NAPG: variants seen among roughly 807,000 people sequenced by gnomAD.
The protein encoded by NAPG is NSF attachment protein gamma.
NAPG carries 25 observed loss-of-function variants against 48.4 expected under a neutral mutation model. The ratio of observed to expected loss-of-function variants is 0.52; its 90% CI spans 0.38 to 0.72. NAPG has a LOEUF of 0.72. NAPG is among the 30% of genes least tolerant of loss of function. The pLI, the probability that NAPG is intolerant of heterozygous loss-of-function variation, is 0.00. For synonymous variants in NAPG, 139 were observed against 127.2 expected (o/e 1.09, Z -0.62); for missense variants, 359 against 372.5 (o/e 0.96, Z 0.30).
chr18:10,549,036 A>G lies in NAPG; in HGVS notation c.735A>G (p.Gln245=), dbSNP rs779652761. 4.2e-5 allele frequency: 67 copies of G among 1,613,890 alleles called. No homozygotes were observed. Among genetic ancestry groups the G allele is most frequent in the Non-Finnish European group, 5.3e-5 (63 of 1,179,856 alleles). The change falls in exon 11 of 12, where the codon CAA becomes CAG. Residue 245 remains glutamine, a synonymous_variant. Transcript: ENST00000322897. The part of the protein sequence containing the change: ...LEQLLEGYDQ[Q]DQDQVSDVCN... ...AGCTTCTTGAAGGTTATGACCAGCA[A>G]GACCAAGATCAGGTGTCAGATGTCT... is the stretch of plus-strand genomic sequence containing the variant.
intron 1 of NAPG, among the ~76,000 whole-genome samples, chr18:10,527,187 CAAAAA>C (rs775618160): frequency 3.8e-5 from 4 of 105,534 alleles, no homozygotes; most frequent in East Asian, 2.4e-4. Flanking sequence ...GACTCCGTCT[CAAAAA>C]AAAAAAAAAA....
chr18:10,531,551 A>G (rs947502226), intron 2 of NAPG, among the ~76,000 whole-genome samples: 14 of 152,280 alleles, frequency 9.2e-5, no homozygotes, highest in African/African-American at 3.1e-4. Flanking sequence ...TAGCATAGAG[A>G]TCATCTGGGG....
At position 10,544,166 on chromosome 18, in the gene NAPG, C is replaced by T. The variant is rs2032213565; in HGVS notation, c.507-2160C>T. ...CTCAGGGTCACAATTATAAATGATACAGATACATGTAGCTGTAGTCCGCCT... is the reference window on the plus strand; with the variant it reads ...CTCAGGGTCACAATTATAAATGATATAGATACATGTAGCTGTAGTCCGCCT... On this transcript the variant is annotated intron_variant, in intron 8 of 11. Transcript: ENST00000322897. The surrounding 1 kb of genome is among the most constrained non-coding windows in gnomAD (Gnocchi z 5.1). Among the ~76,000 whole-genome samples the T allele has an allele frequency of 6.6e-6, 1 of 152,212 alleles. No homozygotes were observed. Among genetic ancestry groups the T allele is most frequent in the Admixed American group, 6.5e-5 (1 of 15,282 alleles).
At chr18:10,526,428 T>C in intron 1 of NAPG, 1 of 480,178 alleles carries the variant, frequency 2.1e-6, no homozygotes, top group Non-Finnish European at 3.7e-6. Context: ...GGCGCAGTGC[T>C]GCGGGGCGAG....
Position 10,530,792 on chromosome 18 carries a change from T to C in NAPG, c.79T>C (p.Trp27Arg). 9 of 1,583,582 alleles carry C rather than the reference T, an allele frequency of 5.7e-6. No individual in the cohort carries two copies. The highest frequency in any genetic ancestry group is 5.1e-6 in the Non-Finnish European group (6 of 1,165,342). The change falls in exon 2 of 12, where the codon TGG becomes CGG. Residue 27 changes from tryptophan to arginine, a missense_variant. By Grantham distance (101) the Trp-to-Arg change is moderately radical. Transcript: ENST00000322897. ...TAGCCTGAAAACTGGTTTTTTAAAA[T>C]GGAAGCCAGATTATGACAGTGCCGC... is the stretch of plus-strand genomic sequence containing the variant. ...EKYLKTGFLK[W>R]KPDYDSAASE... is the part of the protein sequence containing the mutation.
In NAPG at chr18:10,548,425, G is replaced by GTGTC. The variant is rs777926613; in HGVS notation, c.665+49_665+52dup. Reference sequence around the variant, plus strand: ...CTTGACTTGCAGTGGCGACACCTCTGTGTCTACAACTAAGATTGCTGCTAG... The same window carrying GTGTC: ...CTTGACTTGCAGTGGCGACACCTCTGTGTCTGTCTACAACTAAGATTGCTGCTAG... On this transcript the variant is annotated intron_variant, in intron 10 of 11. Transcript: ENST00000322897. This position sits in a 1 kb window ranked among gnomAD's most constrained non-coding sequence, Gnocchi z 4.4. 11 of 1,442,900 alleles carry GTGTC rather than the reference G, an allele frequency of 7.6e-6. No individual in the cohort carries two copies. The South Asian group carries it at 8.1e-5, about 11-fold the overall frequency. 89.4% of individuals were successfully genotyped at this position (1,442,900 alleles called of 1,614,324 possible).
rs1042874093 is a variant in NAPG, at chr18:10,542,284, T to A, written c.506+1885T>A. Among the ~76,000 whole-genome samples, 5 of 151,962 alleles carry A rather than the reference T, an allele frequency of 3.3e-5. No individual in the cohort carries two copies. Among genetic ancestry groups the A allele is most frequent in the Non-Finnish European group, 7.4e-5 (5 of 67,982 alleles). On this transcript the variant is annotated intron_variant, in intron 8 of 11. Coordinates refer to ENST00000322897, the MANE Select transcript of NAPG (RefSeq NM_003826.3). This position sits in a 1 kb window ranked among gnomAD's most constrained non-coding sequence, Gnocchi z 4.5. ...TTTAAAATGGTACTTTCTACTGTGCTCAACAAAAATGTTATGGAAATATAT... is the reference window on the plus strand; with the variant it reads ...TTTAAAATGGTACTTTCTACTGTGCACAACAAAAATGTTATGGAAATATAT...
Position 10,539,703 on chromosome 18 carries a change from C to A in NAPG, c.259-59C>A. ...AAATAATTGCATTTCAGATTGTTAA[C>A]TCTGTTTTTCTTTAATTGATGCATT... On this transcript the variant is annotated intron_variant, in intron 5 of 11. Transcript: ENST00000322897. This position sits in a 1 kb window ranked among gnomAD's most constrained non-coding sequence, Gnocchi z 4.7. The A allele has an allele frequency of 1.5e-6, 2 of 1,293,000 alleles. No individual in the cohort carries two copies. The highest frequency in any genetic ancestry group is 2.3e-5 in the East Asian group (1 of 43,194). The allele number at this position is 1,293,000 out of a possible 1,614,324, so 80.1% of individuals were successfully genotyped here.
chr18:10,535,151 C>G (rs190145942), intron 5 of NAPG, among the ~76,000 whole-genome samples: 50 of 152,254 alleles, frequency 3.3e-4, no homozygotes, highest in African/African-American at 1.2e-3. Flanking sequence ...ATGGTAAAAG[C>G]TACTTTCAAG....
chr18:10,526,243 A>AGGGG, intron 1 of NAPG, 85 bp downstream of exon 1: 1 of 316,622 alleles, frequency 3.2e-6, no homozygotes, highest in Non-Finnish European at 6.5e-6. Flanking sequence ...GGGGGGCGGG[A>AGGGG]GGGAGGGCTC....
In NAPG at chr18:10,530,035, G is replaced by A. The variant is rs192855678; in HGVS notation, c.57-735G>A. ...TTTAAAATAAGAAAATAAATATTGA[G>A]GAAAAGGCAAGTAAGTTAAGGATTC... On this transcript the variant is annotated intron_variant, in intron 1 of 11. Transcript: ENST00000322897. Among the ~76,000 whole-genome samples, 8 of 152,190 alleles carry A rather than the reference G, an allele frequency of 5.3e-5. No individual in the cohort carries two copies. The East Asian group carries it at 1.4e-3, about 26-fold the overall frequency.
At position 10,526,067 on chromosome 18, in the gene NAPG, T is replaced by A. The variant is rs768483851; in HGVS notation, c.-36T>A. ...CTTGGCGCCGGAGGAAGAGGCAGGG[T>A]CACCCTCTCTCCACGTCAGAGACCT... On this transcript the variant is annotated 5_prime_UTR_variant, in exon 1 of 12. Transcript: ENST00000322897. The A allele has an allele frequency of 1.2e-6, 2 of 1,603,660 alleles. No homozygotes were observed. The highest frequency in any genetic ancestry group is 1.7e-6 in the Non-Finnish European group (2 of 1,171,244).
chr18:10,532,510 A>G (rs940178651), intron 2 of NAPG, among the ~76,000 whole-genome samples: 1 of 152,230 alleles, frequency 6.6e-6, no homozygotes, highest in Admixed American at 6.5e-5. Context: ...AAAAAGTTTT[A>G]AAAATACTCG....
chr18:10,546,508 G>T lies in NAPG; in HGVS notation c.585+104G>T. On this transcript the variant is annotated intron_variant, in intron 9 of 11. Transcript: ENST00000322897. The surrounding 1 kb of genome is among the most constrained non-coding windows in gnomAD (Gnocchi z 4.0). ...ATTCTATGGGTATTTCTATGTTTTT[G>T]TAAAATAATACTTCATGGGCCTCTA... 1 of 630,446 alleles carries T rather than the reference G, an allele frequency of 1.6e-6. No homozygotes were observed. The highest frequency in any genetic ancestry group is 2.6e-6 in the Non-Finnish European group (1 of 390,276). The allele number at this position is 630,446 out of a possible 1,614,324, so 39.1% of individuals were successfully genotyped here. A position where few individuals can be genotyped will look rare whatever the true frequency, so the allele number is the denominator to read the frequency against.
chr18:10,538,730 C>G (rs2032086106), intron 5 of NAPG, among the ~76,000 whole-genome samples: 1 of 152,118 alleles, frequency 6.6e-6, no homozygotes, highest in Non-Finnish European at 1.5e-5. Context: ...TGAAGCATTT[C>G]ATTTTAAATA....
At chr18:10,549,700 A>C (rs2032345312) in intron 11 of NAPG, among the ~76,000 whole-genome samples, 1 of 152,186 alleles carries the variant, frequency 6.6e-6, no homozygotes, top group African/African-American at 2.4e-5. Context: ...GTAGATTTGT[A>C]AGTACCTGTT....
intron 1 of NAPG, among the ~76,000 whole-genome samples, chr18:10,529,755 GAAAA>G (rs1391643416): frequency 1.3e-5 from 2 of 150,778 alleles, no homozygotes; most frequent in African/African-American, 4.9e-5. Context: ...CCTATCTCAA[GAAAA>G]AAAAAGAAGC....
At chr18:10,526,898 C>G (rs146963138) in intron 1 of NAPG, 49 of 152,302 alleles carry the variant, frequency 3.2e-4, no homozygotes, top group African/African-American at 1.1e-3. Context: ...AATAGAAAGT[C>G]AGCATTGTGG....
Position 10,530,797 on chromosome 18 carries a change from G to T in NAPG, c.84G>T (p.Lys28Asn). The T allele has an allele frequency of 6.3e-7, 1 of 1,584,526 alleles. No homozygotes were observed. The highest frequency in any genetic ancestry group is 2.3e-5 in the East Asian group (1 of 44,106). Reference sequence around the variant, plus strand: ...TGAAAACTGGTTTTTTAAAATGGAAGCCAGATTATGACAGTGCCGCTTCTG... The same window carrying T: ...TGAAAACTGGTTTTTTAAAATGGAATCCAGATTATGACAGTGCCGCTTCTG... ...KYLKTGFLKW[K>N]PDYDSAASEY... Residue 28 changes from lysine to asparagine, a missense_variant, in exon 2 of 12, where the codon AAG (lysine) becomes AAT (asparagine). Coordinates refer to ENST00000322897, the MANE Select transcript of NAPG (RefSeq NM_003826.3).
Sources: gnomAD v4.1 joint callset for allele counts (sites outside exome capture counted in the v4.1 genomes callset) on GRCh38, gnomAD v4.1.1 for gene constraint, Gnocchi (gnomAD v3.1) non-coding constraint, MANE v1.5 for transcripts, NCBI Gene and HGNC (gene_info 2026-07-23, HGNC 2026-07-21) for gene names.